STPG2: variants seen among roughly 807,000 people sequenced by gnomAD.
STPG2 encodes sperm-tail PG-rich repeat-containing protein 2.
STPG2 carries 56 observed loss-of-function variants against 54.2 expected under a neutral mutation model. That is an observed-to-expected ratio of 1.03 (90% CI 0.83 to 1.29). STPG2 has a LOEUF of 1.29. STPG2 is among the 50% of genes most tolerant of loss of function. STPG2 has a pLI of 0.00. For missense variants in STPG2, 596 were observed against 544.9 expected, an observed-to-expected ratio of 1.09 and a Z score of -0.93; for synonymous variants, 200 against 181.8, an observed-to-expected ratio of 1.10 and a Z score of -0.81.
chr4:98,073,004 A>C (rs1004031943), intron 5 of STPG2, among the ~76,000 whole-genome samples: 23 of 152,220 alleles, frequency 1.5e-4, no homozygotes, highest in African/African-American at 5.1e-4. Flanking sequence ...AATGAATGCT[A>C]TATATGAGAC....
At chr4:97,918,386 T>A (rs1480148368) in intron 8 of STPG2, among the ~76,000 whole-genome samples, 1 of 152,140 alleles carries the variant, frequency 6.6e-6, no homozygotes, top group East Asian at 1.9e-4. Context: ...TAAGAATTTT[T>A]TATGCATTAA....
chr4:97,549,862 T>G (rs1731926649), intron 4 of STPG2, among the ~76,000 whole-genome samples: 1 of 152,174 alleles, frequency 6.6e-6, no homozygotes, highest in African/African-American at 2.4e-5. Flanking sequence ...CCTCCAGAAC[T>G]GTTAAAGAAA....
intron 9 of STPG2, among the ~76,000 whole-genome samples, chr4:97,735,002 G>A (rs1724927947): frequency 6.6e-6 from 1 of 151,898 alleles, no homozygotes; most frequent in African/African-American, 2.4e-5. Flanking sequence ...GAACCCAGGA[G>A]GCGGAGCTGG....
intron 4 of STPG2, among the ~76,000 whole-genome samples, chr4:98,106,644 T>C (rs756565481): frequency 3.7e-4 from 56 of 152,164 alleles, no homozygotes; most frequent in Admixed American, 1.8e-3. Flanking sequence ...TATAACCTTA[T>C]GCAAACTAAC....
chr4:97,736,451 C>A (rs1324406353), intron 9 of STPG2, among the ~76,000 whole-genome samples: 1 of 152,174 alleles, frequency 6.6e-6, no homozygotes, highest in Admixed American at 6.5e-5. Flanking sequence ...GTTCCCTTTC[C>A]TAGTCAAAGA....
Position 97,747,312 on chromosome 4 carries a change from G to T in STPG2, c.1205-34498C>A, listed in dbSNP as rs765693836. ...ATTGAATGAGTAACTCAAAAATTAA[G>T]ATTATTAAGCAACTTCTCTCAGGTC... On this transcript the variant is annotated intron_variant, in intron 9 of 10. Coordinates refer to ENST00000295268, the MANE Select transcript of STPG2 (RefSeq NM_174952.3). Among the ~76,000 whole-genome samples the T allele has an allele frequency of 4.6e-5, 7 of 151,442 alleles. No homozygotes were observed. The South Asian group carries it at 1.5e-3, about 31-fold the overall frequency.
At chr4:98,045,821 A>G (rs2149310307) in intron 5 of STPG2, among the ~76,000 whole-genome samples, 1 of 152,158 alleles carries the variant, frequency 6.6e-6, no homozygotes, top group African/African-American at 2.4e-5. Flanking sequence ...GACCACTTGT[A>G]TATGTTGTGC....
At position 97,950,015 on chromosome 4, in the gene STPG2, T is replaced by A. The variant is rs575023250; in HGVS notation, c.934-6008A>T. On this transcript the variant is annotated intron_variant, in intron 7 of 10. Transcript: ENST00000295268. ...CAAAAAATTATTCTACTTATTTTAA[T>A]CTATTGTTAAAACCTCCACTGCATT... is the stretch of plus-strand genomic sequence containing the variant. 1.1e-4 allele frequency among the ~76,000 whole-genome samples: 17 copies of A among 152,246 alleles called. No homozygotes were observed. In the South Asian group the frequency reaches 3.5e-3, roughly 32 times the overall value.
chr4:97,559,029 G>T lies in STPG2; in HGVS notation c.*29C>A. The T allele has an allele frequency of 6.5e-7, 1 of 1,544,724 alleles. No individual in the cohort carries two copies. Among genetic ancestry groups the T allele is most frequent in the Non-Finnish European group, 8.8e-7 (1 of 1,134,054 alleles). ...GAAATAAACTGACTTCCATGAAGTT[G>T]TTTTTTAAGTTTTTGCCATAAATTT... On this transcript the variant is annotated 3_prime_UTR_variant, in exon 11 of 11. Transcript: ENST00000295268.
chr4:97,926,180 C>T (rs892199232), intron 8 of STPG2, among the ~76,000 whole-genome samples: 1 of 152,106 alleles, frequency 6.6e-6, no homozygotes. Context: ...AACACCTTTC[C>T]AGACTTTCAG....
At chr4:98,083,090 C>G (rs964574644) in intron 5 of STPG2, among the ~76,000 whole-genome samples, 2 of 152,124 alleles carry the variant, frequency 1.3e-5, no homozygotes, top group Non-Finnish European at 2.9e-5. Flanking sequence ...TGGCCTCTGT[C>G]TACCTCCCAA....
chr4:98,027,421 A>G (rs1480310670), intron 5 of STPG2, among the ~76,000 whole-genome samples: 1 of 152,200 alleles, frequency 6.6e-6, no homozygotes, highest in East Asian at 1.9e-4. Flanking sequence ...AAAGTCTGAA[A>G]TCTAATCTAA....
chr4:98,093,799 G>A (rs970148423), intron 5 of STPG2, among the ~76,000 whole-genome samples: 12 of 152,292 alleles, frequency 7.9e-5, no homozygotes, highest in African/African-American at 2.4e-4. Context: ...TGCCCTGTCA[G>A]AGTGGAGAAT....
intron 5 of STPG2, among the ~76,000 whole-genome samples, chr4:98,047,662 C>T (rs766827435): frequency 6.6e-6 from 1 of 152,074 alleles, no homozygotes; most frequent in Non-Finnish European, 1.5e-5. Flanking sequence ...AAAGTTGGAG[C>T]ACTCAATACG....
intron 5 of STPG2, among the ~76,000 whole-genome samples, chr4:98,059,666 A>G (rs1737585094): frequency 2.0e-5 from 3 of 152,012 alleles, no homozygotes; most frequent in Admixed American, 2.0e-4. Context: ...AATCCTCAAC[A>G]AAATACTGGC....
At chr4:97,994,795 C>A (rs1295108996) in intron 5 of STPG2, among the ~76,000 whole-genome samples, 2 of 152,196 alleles carry the variant, frequency 1.3e-5, no homozygotes, top group East Asian at 3.9e-4. Context: ...TAGGAGGTGG[C>A]ACTTTCAAGA....
At chr4:97,967,575 G>A (rs1177245405) in intron 7 of STPG2, among the ~76,000 whole-genome samples, 2 of 152,022 alleles carry the variant, frequency 1.3e-5, no homozygotes, top group African/African-American at 2.4e-5. Flanking sequence ...GCACCACACT[G>A]CACCTATTCC....
At chr4:97,784,336 T>C (rs1022906843) in intron 9 of STPG2, among the ~76,000 whole-genome samples, 1 of 152,162 alleles carries the variant, frequency 6.6e-6, no homozygotes, top group Non-Finnish European at 1.5e-5. Flanking sequence ...AAAGACTATT[T>C]GTTACTTTTT....
intron 3 of STPG2, among the ~76,000 whole-genome samples, chr4:98,109,727 G>T (rs1311121585): frequency 6.6e-6 from 1 of 151,930 alleles, no homozygotes; most frequent in Non-Finnish European, 1.5e-5. Flanking sequence ...CATCACCAAT[G>T]GTCATTACAT....
Sources: allele counts gnomAD v4.1 joint callset (sites outside exome capture counted in the v4.1 genomes callset), GRCh38; gene constraint gnomAD v4.1.1; transcripts MANE v1.5; gene names NCBI Gene and HGNC (gene_info 2026-07-23, HGNC 2026-07-21).